The following MIA3 variants were observed in gnomAD, a reference collection of about 807,000 sequenced individuals.
The protein encoded by MIA3 is MIA SH3 domain ER export factor 3.
In MIA3, 90 loss-of-function variants were observed where a neutral mutation model predicts 192.4. The observed-to-expected ratio is 0.47, with a 90% CI of 0.39 to 0.56. The LOEUF (loss-of-function observed/expected upper bound fraction) is 0.56, where lower values mean the gene tolerates loss of function less well. Ranked by LOEUF, MIA3 falls within the 20% of genes least tolerant of loss-of-function variation. The pLI, the probability that MIA3 is intolerant of heterozygous loss-of-function variation, is 0.00. For missense variants in MIA3, 2,123 were observed against 2,269.4 expected, an observed-to-expected ratio of 0.94 and a Z score of 1.31; for synonymous variants, 740 against 792.8, an observed-to-expected ratio of 0.93 and a Z score of 1.12.
At chr1:222,642,732 T>C (rs1275711417) in intron 6 of MIA3, among the ~76,000 whole-genome samples, 1 of 152,186 alleles carries the variant, frequency 6.6e-6, no homozygotes, top group Non-Finnish European at 1.5e-5. Context: ...TGTCAAATGT[T>C]TGGATCTTGC....
chr1:222,656,129 C>T (rs1366888875), intron 18 of MIA3, among the ~76,000 whole-genome samples: 1 of 151,726 alleles, frequency 6.6e-6, no homozygotes, highest in Non-Finnish European at 1.5e-5. Flanking sequence ...GCCACCATGC[C>T]CGGCTAATTT....
intron 7 of MIA3, among the ~76,000 whole-genome samples, chr1:222,647,070 C>G (rs1271497837): frequency 6.6e-6 from 1 of 152,046 alleles, no homozygotes; most frequent in Non-Finnish European, 1.5e-5. Context: ...GGTAAGTTTT[C>G]AGTTTTTAAA....
At chr1:222,639,540 A>G (rs1662765715) in intron 6 of MIA3, among the ~76,000 whole-genome samples, 1 of 152,178 alleles carries the variant, frequency 6.6e-6, no homozygotes, top group South Asian at 2.1e-4. Context: ...AAAATACTCT[A>G]TGACCAAATA....
At chr1:222,625,103 G>T (rs189188439) in intron 3 of MIA3, among the ~76,000 whole-genome samples, 1 of 151,648 alleles carries the variant, frequency 6.6e-6, no homozygotes, top group East Asian at 1.9e-4. Flanking sequence ...TCTGCTTCCT[G>T]GGTTCACGCC....
intron 18 of MIA3, among the ~76,000 whole-genome samples, chr1:222,657,022 T>C (rs1663765293): frequency 6.6e-6 from 1 of 152,216 alleles, no homozygotes; most frequent in African/African-American, 2.4e-5. Flanking sequence ...GTCTTCTAGA[T>C]TGTGATTACA....
At chr1:222,653,560 A>C (rs1478515608) in intron 15 of MIA3, among the ~76,000 whole-genome samples, 1 of 152,234 alleles carries the variant, frequency 6.6e-6, no homozygotes, top group African/African-American at 2.4e-5. Flanking sequence ...TTGAGACTAG[A>C]AGGGTGCACG....
In MIA3 at chr1:222,624,752, C is replaced by G. The variant is rs755184494; in HGVS notation, c.268-16C>G. Reference sequence around the variant, plus strand: ...TTTGATTGATATGTGTCCCTTTTGCCCATTCTTTTGTGTAGGTTGGACGCA... The same window carrying G: ...TTTGATTGATATGTGTCCCTTTTGCGCATTCTTTTGTGTAGGTTGGACGCA... On this transcript the variant is annotated splice_polypyrimidine_tract_variant and intron_variant, in intron 2 of 27. Transcript: ENST00000344922. 13 of 1,288,820 alleles carry G rather than the reference C, an allele frequency of 1.0e-5. 1 individual carries two copies. Among genetic ancestry groups the G allele is most frequent in the Non-Finnish European group, 3.4e-6 (3 of 887,640 alleles). The allele number at this position is 1,288,820 out of a possible 1,614,324, so 79.8% of individuals were successfully genotyped here. A position where few individuals can be genotyped will look rare whatever the true frequency, so the allele number is the denominator to read the frequency against.
chr1:222,661,802 G>A (rs147811688), intron 24 of MIA3, among the ~76,000 whole-genome samples: 436 of 152,274 alleles, frequency 2.9e-3, no homozygotes, highest in Non-Finnish European at 4.9e-3. Flanking sequence ...GTAGAATACT[G>A]TACATGTAAG....
At chr1:222,619,229 C>T (rs34173705) in intron 1 of MIA3, among the ~76,000 whole-genome samples, 17,353 of 152,206 alleles carry the variant, frequency 0.11, 1,034 homozygotes, top group East Asian at 0.16. Flanking sequence ...GTGTTGAAAC[C>T]TCTTCCCTCT....
intron 6 of MIA3, among the ~76,000 whole-genome samples, chr1:222,635,890 A>G (rs1662602299): frequency 6.6e-6 from 1 of 152,290 alleles, no homozygotes; most frequent in Admixed American, 6.5e-5. Context: ...AAGGCTATAC[A>G]TTCCTTTGTT....
In MIA3 at chr1:222,628,427, T is replaced by C; in HGVS notation, c.1207T>C (p.Leu403=). ...GGEETRDTMD[L]ESSSSEEEKE... ...TGAAGAAACAAGAGATACGATGGATTTAGAGAGCTCTAGTTCAGAGGAAGA... is the reference window on the plus strand; with the variant it reads ...TGAAGAAACAAGAGATACGATGGATCTAGAGAGCTCTAGTTCAGAGGAAGA... Residue 403 remains leucine, a synonymous_variant, in exon 4 of 28, where the codon TTA becomes CTA. Transcript: ENST00000344922. The C allele has an allele frequency of 6.2e-7, 1 of 1,613,786 alleles. No homozygotes were observed. The highest frequency in any genetic ancestry group is 8.5e-7 in the Non-Finnish European group (1 of 1,179,950).
At chr1:222,642,497 G>A (rs777448493) in intron 6 of MIA3, among the ~76,000 whole-genome samples, 8 of 152,006 alleles carry the variant, frequency 5.3e-5, no homozygotes, top group African/African-American at 1.2e-4. Context: ...TATAAGTAAT[G>A]CTGGAATAAT....
chr1:222,646,425 AAAAG>A (rs1431372618), intron 7 of MIA3, among the ~76,000 whole-genome samples: 13 of 150,244 alleles, frequency 8.7e-5, no homozygotes, highest in Non-Finnish European at 1.6e-4. Context: ...AAAAAAAAAA[AAAAG>A]AAAGAAAGAA....
At chr1:222,635,655 A>G (rs1021486439) in intron 6 of MIA3, among the ~76,000 whole-genome samples, 7 of 152,220 alleles carry the variant, frequency 4.6e-5, no homozygotes, top group Non-Finnish European at 1.0e-4. Context: ...TAATTGTTTC[A>G]TAGGGTTTTG....
rs748361629 is a variant in MIA3 at position 222,652,311 on chromosome 1, G to T, written c.4065G>T (p.Arg1355Ser). ...ATCGGGTTCAAGAAGAAAATGCTAG[G>T]CTTAAGAAGAAAAAAGAGCAGGTAA... ...ECHRVQEENA[R>S]LKKKKEQLQQ... The change falls in exon 13 of 28, where the codon AGG (arginine) becomes AGT (serine). Residue 1355 changes from arginine (R) to serine (S), a missense_variant. Arg to Ser is a moderately radical substitution (Grantham distance 110). Transcript: ENST00000344922. The T allele has an allele frequency of 6.2e-7, 1 of 1,613,118 alleles. No individual in the cohort carries two copies. The highest frequency in any genetic ancestry group is 1.3e-5 in the African/African-American group (1 of 74,874).
At chr1:222,634,997 C>G (rs919174334) in intron 6 of MIA3, among the ~76,000 whole-genome samples, 1 of 152,100 alleles carries the variant, frequency 6.6e-6, no homozygotes, top group East Asian at 1.9e-4. Context: ...AGATCTCATC[C>G]CTCACCTAAT....
chr1:222,622,709 T>A (rs145168778), intron 2 of MIA3, among the ~76,000 whole-genome samples: 3 of 152,364 alleles, frequency 2.0e-5, no homozygotes, highest in Non-Finnish European at 4.4e-5. Flanking sequence ...GTACCTAGGC[T>A]GCGTTTTTTC....
intron 4 of MIA3, among the ~76,000 whole-genome samples, 168 bp downstream of exon 4, chr1:222,630,557 G>A (rs944966489): frequency 6.6e-6 from 1 of 152,240 alleles, no homozygotes; most frequent in Admixed American, 6.5e-5. Flanking sequence ...TTAGGCTGGA[G>A]CATGGAGAAG....
At chr1:222,662,194 C>T in intron 25 of MIA3, 59 bp from the exon 26 acceptor site, 6 of 1,590,090 alleles carry the variant, frequency 3.8e-6, no homozygotes, top group Admixed American at 3.4e-5. Context: ...TTTTTTTAAT[C>T]CTCCTCACAG....
Sources: allele counts gnomAD v4.1 joint callset (sites outside exome capture counted in the v4.1 genomes callset), GRCh38; gene constraint gnomAD v4.1.1; transcripts MANE v1.5; gene names NCBI Gene and HGNC (gene_info 2026-07-23, HGNC 2026-07-21).